The following AWAT2 variants were observed in gnomAD, a reference collection of about 807,000 sequenced individuals.
AWAT2 encodes the protein acyl-CoA wax alcohol acyltransferase 2, also known as 11-cis-RE-synthase.
AWAT2 carries 9 observed loss-of-function variants against 22.3 expected under a neutral mutation model. That is an observed-to-expected ratio of 0.40 (90% CI 0.24 to 0.70). The LOEUF is 0.70. Ranked by LOEUF, AWAT2 falls within the 30% of genes least tolerant of loss-of-function variation. The pLI is 0.36. For missense variants in AWAT2, 217 were observed against 265.9 expected (o/e 0.82, Z 1.28); for synonymous variants, 100 against 93.4 (o/e 1.07, Z -0.40).
chrX:70,048,450 C>T (rs1418576928), intron 1 of AWAT2, among the ~76,000 whole-genome samples: 1 of 111,540 alleles, frequency 9.0e-6, no homozygotes, highest in African/African-American at 3.3e-5. Context: ...CTGGCAGCTC[C>T]TTGAATGCAT....
At chrX:70,042,034 T>G (rs768210433) in intron 6 of AWAT2, 72 bp from the exon 7 acceptor site, 1 of 1,144,833 alleles carries the variant, frequency 8.7e-7, no homozygotes, top group South Asian at 2.0e-5. Context: ...GGCCCCAGGC[T>G]TCAAGCCCAG....
rs997829322 is a variant in AWAT2, at chrX:70,043,102, C to T, written c.614G>A (p.Arg205Gln). ...PGSSTLVLKN[R>Q]SGFVRMALQH... ...AAGGGCCATGCGCACAAAGCCAGAC[C>T]GGTTCTTCAACACCAGGGTAGAAGA... is the stretch of plus-strand genomic sequence containing the variant. The change falls in exon 5 of 8, where the codon CGG becomes CAG. Residue 205 changes from arginine (R) to glutamine (Q), a missense_variant. Physicochemically the swap from Arg to Gln is conservative, Grantham distance 43. Transcript: ENST00000276101. 5 of 1,193,787 alleles carry T rather than the reference C, an allele frequency of 4.2e-6. No individual in the cohort carries two copies. The highest frequency in any genetic ancestry group is 6.0e-5 in the East Asian group (2 of 33,162).
At chrX:70,042,541 T>C in intron 5 of AWAT2, 155 bp from the exon 6 acceptor site, 2 of 560,365 alleles carry the variant, frequency 3.6e-6, no homozygotes, top group South Asian at 2.5e-5. Context: ...GGGGGCTCCA[T>C]GGCCTACCCC....
chrX:70,048,270 C>T lies in AWAT2; in HGVS notation c.85+1578G>A, dbSNP rs150395678. ...CTCCCTCATGGCTCCACATGGCTCT[C>T]AAAAAAAGTCCAAACTCCTTCCCAT... On this transcript the variant is annotated intron_variant, in intron 1 of 7. Coordinates refer to ENST00000276101, the MANE Select transcript of AWAT2 (RefSeq NM_001002254.1). 6.9e-3 allele frequency among the ~76,000 whole-genome samples: 769 copies of T among 111,178 alleles called. 8 individuals are homozygous for T. Among genetic ancestry groups the T allele is most frequent in the Middle Eastern group, 0.018 (4 of 218 alleles).
chrX:70,049,758 T>C (rs2020385515), intron 1 of AWAT2, 90 bp downstream of exon 1: 1 of 1,080,936 alleles, frequency 9.3e-7, no homozygotes. Context: ...ACAACCCTAG[T>C]TTGACCATTG....
Position 70,044,338 on chromosome X carries a change from AG to A in AWAT2, c.196+13del. The A allele has an allele frequency of 8.3e-7, 1 of 1,209,205 alleles. No homozygotes were observed. Among genetic ancestry groups the A allele is most frequent in the Non-Finnish European group, 1.1e-6 (1 of 894,227 alleles). ...ATGTGGCATGTGGCAACACAGCACCAGCAGGATGCTTACCTCGCTGAGGGGT... is the reference window on the plus strand; with the variant it reads ...ATGTGGCATGTGGCAACACAGCACCACAGGATGCTTACCTCGCTGAGGGGT... On this transcript the variant is annotated intron_variant, in intron 2 of 7. Transcript: ENST00000276101.
rs750687942 is a variant in AWAT2 at position 70,041,768 on chromosome X, C to T, written c.*35+5G>A. ...TCCTCCTGTTCTCACTGGGTCCATCCATACCTTCCAGCCAGGGTGAAGGCT... is the reference window on the plus strand; with the variant it reads ...TCCTCCTGTTCTCACTGGGTCCATCTATACCTTCCAGCCAGGGTGAAGGCT... On this transcript the variant is annotated splice_donor_5th_base_variant and intron_variant, in intron 7 of 7. Coordinates refer to ENST00000276101, the MANE Select transcript of AWAT2 (RefSeq NM_001002254.1). 13 of 1,196,293 alleles carry T rather than the reference C, an allele frequency of 1.1e-5. No homozygotes were observed. The highest frequency in any genetic ancestry group is 1.5e-5 in the Non-Finnish European group (13 of 886,383).
chrX:70,043,891 G>A, intron 3 of AWAT2, 35 bp downstream of exon 3: 1 of 1,182,808 alleles, frequency 8.5e-7, no homozygotes, highest in Non-Finnish European at 1.1e-6. Flanking sequence ...GTCGGGGCTG[G>A]ACCTGGGCCT....
chrX:70,042,441 T>C (rs775930854), intron 5 of AWAT2, 55 bp from the exon 6 acceptor site: 7 of 1,105,610 alleles, frequency 6.3e-6, no homozygotes, highest in Non-Finnish European at 8.7e-6. Flanking sequence ...CCTTGTCGAA[T>C]GCCAGACACG....
chrX:70,043,883 C>T (rs760624309), intron 3 of AWAT2, 43 bp downstream of exon 3: 124 of 1,162,382 alleles, frequency 1.1e-4, no homozygotes, highest in Middle Eastern at 9.6e-4. Flanking sequence ...GCACTGAAGT[C>T]GGGGCTGGAC....
chrX:70,046,545 C>T (rs1344539201), intron 1 of AWAT2, among the ~76,000 whole-genome samples: 1 of 110,572 alleles, frequency 9.0e-6, no homozygotes, highest in African/African-American at 3.3e-5. Context: ...GCTAGGATTA[C>T]AGGTGCACGC....
At chrX:70,042,725 A>G (rs2020336219) in intron 5 of AWAT2, among the ~76,000 whole-genome samples, 1 of 112,066 alleles carries the variant, frequency 8.9e-6, no homozygotes, top group Non-Finnish European at 1.9e-5. Context: ...GGTTGTTGCC[A>G]GTCCCCTTGT....
At position 70,049,890 on chromosome X, in the gene AWAT2, C is replaced by A. The variant is rs758026095; in HGVS notation, c.43G>T (p.Val15Phe). 1.3e-5 allele frequency: 16 copies of A among 1,211,868 alleles called. No individual in the cohort carries two copies. Among genetic ancestry groups the A allele is most frequent in the South Asian group, 1.1e-4 (6 of 56,877 alleles). The change falls in exon 1 of 8, where the codon GTC becomes TTC. Residue 15 changes from valine (V) to phenylalanine (F), a missense_variant. Coordinates refer to ENST00000276101, the MANE Select transcript of AWAT2 (RefSeq NM_001002254.1). ...SKKDLKTALD[V>F]FAVFQWSFSA... ...AAGGACCACTGGAAAACAGCAAAGA[C>A]ATCCAGGGCAGTCTTGAGGTCCTTC...
Position 70,044,463 on chromosome X carries a change from C to T in AWAT2, c.86-1G>A. On this transcript the variant is annotated splice_acceptor_variant, in intron 1 of 7. Transcript: ENST00000276101. LOFTEE classifies it high-confidence loss of function. ...AGGTTGACAGCAATCACAGTGGTTG[C>T]TGCAGGAAGCCCAGACCAGAGTTAA... 1.7e-6 allele frequency: 2 copies of T among 1,209,512 alleles called. No individual in the cohort carries two copies. The highest frequency in any genetic ancestry group is 2.2e-6 in the Non-Finnish European group (2 of 894,444).
rs1272790165 is a variant in AWAT2 at position 70,042,266 on chromosome X, G to A, written c.768C>T (p.Tyr256=). Residue 256 remains tyrosine (Y), a synonymous_variant, in exon 6 of 8, where the codon TAC becomes TAT. Transcript: ENST00000276101. ...QKWFQSMVHI[Y]PCAFYGRGFT... is the part of the protein sequence containing the mutation. ...AGCCACGTCCATAGAAAGCACAAGG[G>A]TAGATGTGTACCATGCTCTGGAACC... 1 of 1,211,453 alleles carries A rather than the reference G, an allele frequency of 8.3e-7. No homozygotes were observed. The highest frequency in any genetic ancestry group is 2.2e-5 in the Admixed American group (1 of 46,076).
chrX:70,049,015 G>A (rs2020381079), intron 1 of AWAT2, among the ~76,000 whole-genome samples: 1 of 111,921 alleles, frequency 8.9e-6, no homozygotes, highest in South Asian at 3.8e-4. Flanking sequence ...TGCAAATGAG[G>A]AAAACAAGAC....
intron 5 of AWAT2, chrX:70,042,772 G>A: frequency 2.5e-6 from 1 of 403,439 alleles, no homozygotes; most frequent in East Asian, 4.1e-5. Context: ...CTGGTGTGAG[G>A]GAGAACAGGC....
intron 1 of AWAT2, among the ~76,000 whole-genome samples, chrX:70,048,542 TA>T (rs772213876): frequency 3.6e-5 from 4 of 112,000 alleles, no homozygotes; most frequent in Non-Finnish European, 7.5e-5. Context: ...ACCTATTTCC[TA>T]TTTGTCCTTC....
chrX:70,043,761 G>A (rs1376738178), intron 3 of AWAT2, 79 bp from the exon 4 acceptor site: 1 of 1,029,150 alleles, frequency 9.7e-7, no homozygotes. Flanking sequence ...GAAAGGAAAA[G>A]GACTGCTAGG....
Sources: gnomAD v4.1 joint callset for allele counts (sites outside exome capture counted in the v4.1 genomes callset) on GRCh38, gnomAD v4.1.1 for gene constraint, MANE v1.5 for transcripts, NCBI Gene and HGNC (gene_info 2026-07-23, HGNC 2026-07-21) for gene names.